Variants in ARHGAP8 observed in about 807,000 individuals in gnomAD.
ARHGAP8 encodes Rho GTPase activating protein 8.
ARHGAP8 carries 62 observed loss-of-function variants against 46.1 expected under a neutral mutation model. The observed-to-expected ratio is 1.34, with a 90% CI of 1.10 to 1.66. The LOEUF (loss-of-function observed/expected upper bound fraction) is 1.66, where lower values mean the gene tolerates loss of function less well. Ranked by LOEUF, ARHGAP8 falls within the 40% of genes most tolerant of loss-of-function variation. The pLI, the probability that ARHGAP8 is intolerant of heterozygous loss-of-function variation, is 0.00. For missense variants in ARHGAP8, 923 were observed against 568.4 expected (o/e 1.62, Z -6.34); for synonymous variants, 375 against 243.1 (o/e 1.54, Z -5.05).
Position 44,844,306 on chromosome 22 carries a change from C to G in ARHGAP8, c.597-963C>G, listed in dbSNP as rs564490689. ...ATTAATAGAGGGATAAAATGAAGTC[C>G]TAAAAAATAATTAGCCAGCAAAATA... On this transcript the variant is annotated intron_variant, in intron 7 of 11. Transcript: ENST00000356099. Among the ~76,000 whole-genome samples the G allele has an allele frequency of 1.4e-3, 212 of 151,928 alleles. 1 individual carries two copies. The highest frequency in any genetic ancestry group is 4.8e-3 in the African/African-American group (198 of 41,414).
intron 3 of ARHGAP8, among the ~76,000 whole-genome samples, chr22:44,804,611 G>A (rs1480017673): frequency 6.6e-6 from 1 of 152,216 alleles, no homozygotes; most frequent in African/African-American, 2.4e-5. Flanking sequence ...GACAGCTCAG[G>A]ACGTGACCCT....
chr22:44,761,259 G>C (rs773177680), intron 1 of ARHGAP8, among the ~76,000 whole-genome samples: 3 of 152,156 alleles, frequency 2.0e-5, no homozygotes, highest in African/African-American at 7.2e-5. Flanking sequence ...CTCTGCATCC[G>C]TGGCCTCTGT....
chr22:44,845,681 G>T (rs1330793322), intron 8 of ARHGAP8, among the ~76,000 whole-genome samples: 3 of 152,200 alleles, frequency 2.0e-5, no homozygotes, highest in Non-Finnish European at 2.9e-5. Flanking sequence ...GGCAGTGCTG[G>T]TCTGTAGGAA....
intron 7 of ARHGAP8, among the ~76,000 whole-genome samples, chr22:44,838,416 G>A (rs766597145): frequency 3.9e-5 from 6 of 152,124 alleles, no homozygotes; most frequent in Admixed American, 6.6e-5. Context: ...GACTACAGGC[G>A]TGAGCCACCG....
At chr22:44,768,158 G>A (rs1268630730) in intron 1 of ARHGAP8, among the ~76,000 whole-genome samples, 3 of 151,150 alleles carry the variant, frequency 2.0e-5, no homozygotes, top group African/African-American at 7.3e-5. Flanking sequence ...CACCACGCCC[G>A]GCTAATTTTT....
intron 1 of ARHGAP8, among the ~76,000 whole-genome samples, chr22:44,776,849 C>T (rs1282696060): frequency 2.0e-5 from 3 of 152,060 alleles, no homozygotes; most frequent in Admixed American, 6.5e-5. Flanking sequence ...TAACTCACCC[C>T]TCCTTCCACT....
intron 6 of ARHGAP8, among the ~76,000 whole-genome samples, chr22:44,824,612 T>G (rs554136175): frequency 8.9e-5 from 13 of 146,242 alleles, no homozygotes; most frequent in African/African-American, 2.9e-4. Flanking sequence ...AGAGGGTCTT[T>G]TCTTTTCTTT....
chr22:44,857,925 A>C (rs1473466735), intron 10 of ARHGAP8, among the ~76,000 whole-genome samples: 1 of 66,822 alleles, frequency 1.5e-5, no homozygotes, highest in East Asian at 3.1e-4. Flanking sequence ...ACTTGCCAGC[A>C]GGTATTCTCA....
In ARHGAP8 at chr22:44,848,018, C is replaced by T; in HGVS notation, c.716C>T (p.Thr239Ile). 6.2e-7 allele frequency: 1 copy of T among 1,607,980 alleles called. No homozygotes were observed. The highest frequency in any genetic ancestry group is 8.5e-7 in the Non-Finnish European group (1 of 1,179,948). ...GLFRRSASVQ[T>I]VREIQRLYNQ... ...TTCCGGAGATCCGCCAGCGTGCAGACCGTCCGCGAGATCCAGAGGCTCTAC... is the reference window on the plus strand; with the variant it reads ...TTCCGGAGATCCGCCAGCGTGCAGATCGTCCGCGAGATCCAGAGGCTCTAC... The change falls in exon 9 of 12, where the codon ACC becomes ATC. Residue 239 changes from threonine (T) to isoleucine (I), a missense_variant. Physicochemically the swap from Thr to Ile is moderately conservative, Grantham distance 89 (BLOSUM62 -1). Transcript: ENST00000356099.
chr22:44,769,796 G>C (rs1238507778), intron 1 of ARHGAP8, among the ~76,000 whole-genome samples: 1 of 152,198 alleles, frequency 6.6e-6, no homozygotes, highest in African/African-American at 2.4e-5. Context: ...TAAAGAAACA[G>C]TTTCATTGAT....
chr22:44,783,835 G>A (rs8135888), intron 1 of ARHGAP8, among the ~76,000 whole-genome samples: 11,628 of 152,082 alleles, frequency 0.076, 646 homozygotes, highest in African/African-American at 0.16. Flanking sequence ...TCCTGGGCTC[G>A]GGCCCATCCT....
intron 5 of ARHGAP8, among the ~76,000 whole-genome samples, chr22:44,821,177 A>T (rs946250348): frequency 2.0e-5 from 3 of 152,150 alleles, no homozygotes; most frequent in South Asian, 4.1e-4. Flanking sequence ...CATGCCTGTA[A>T]TCCCAGCACT....
At chr22:44,821,248 G>A (rs962692414) in intron 5 of ARHGAP8, among the ~76,000 whole-genome samples, 17 of 152,050 alleles carry the variant, frequency 1.1e-4, no homozygotes, top group South Asian at 4.2e-4. Context: ...TGGCTAACAT[G>A]TTGAAACCCC....
chr22:44,769,841 G>A lies in ARHGAP8; in HGVS notation c.-71-16616G>A, dbSNP rs141355633. 1.6e-3 allele frequency among the ~76,000 whole-genome samples: 238 copies of A among 152,330 alleles called. 1 individual carries two copies. Among genetic ancestry groups the A allele is most frequent in the African/African-American group, 5.4e-3 (223 of 41,570 alleles). On this transcript the variant is annotated intron_variant, in intron 1 of 11. Transcript: ENST00000356099. Reference sequence around the variant, plus strand: ...GCCCACACAGGAGAACTGGAGTTATGACTCAAATCCGTCTCCTTGAAAATT... The same window carrying A: ...GCCCACACAGGAGAACTGGAGTTATAACTCAAATCCGTCTCCTTGAAAATT...
chr22:44,803,467 C>G (rs1176696889), intron 3 of ARHGAP8, among the ~76,000 whole-genome samples: 1 of 150,526 alleles, frequency 6.6e-6, no homozygotes, highest in African/African-American at 2.5e-5. Flanking sequence ...TGGCCTCTCC[C>G]TGTACATTAC....
rs774882983 is a variant in ARHGAP8 at position 44,862,327 on chromosome 22, T to C, written c.1034T>C (p.Val345Ala). The change falls in exon 12 of 12, where the codon GTC (valine) becomes GCC (alanine). Residue 345 changes from valine (V) to alanine (A), a missense_variant. Val to Ala is a moderately conservative substitution (Grantham distance 64). Coordinates refer to ENST00000356099, the MANE Select transcript of ARHGAP8 (RefSeq NM_181335.3). ...NKMNSSNLACVFGLNLIWPSQ... is the reference protein window; with the variant it reads ...NKMNSSNLACAFGLNLIWPSQ... ...ATGAACAGCTCTAACCTGGCCTGTG[T>C]CTTCGGGCTGAATTTGATCTGGCCA... 25 of 1,613,848 alleles carry C rather than the reference T, an allele frequency of 1.5e-5. No homozygotes were observed. Among genetic ancestry groups the C allele is most frequent in the Non-Finnish European group, 2.1e-5 (25 of 1,179,844 alleles).
chr22:44,817,633 G>A lies in ARHGAP8; in HGVS notation c.386+2875G>A, dbSNP rs146983438. 7.3e-3 allele frequency among the ~76,000 whole-genome samples: 1,104 copies of A among 152,164 alleles called. 14 individuals are homozygous for A. The highest frequency in any genetic ancestry group is 0.025 in the African/African-American group (1,043 of 41,502). On this transcript the variant is annotated intron_variant, in intron 5 of 11. Transcript: ENST00000356099. ...AGCCTGCTCAACATGGCAAAACCCC[G>A]TCTCTACTAAAAACACAAAAAATTA...
chr22:44,804,004 A>C (rs989430032), intron 3 of ARHGAP8, among the ~76,000 whole-genome samples: 1 of 150,378 alleles, frequency 6.6e-6, no homozygotes, highest in Non-Finnish European at 1.5e-5. Context: ...AGCCTTCTCC[A>C]GCCCAAAGCA....
intron 7 of ARHGAP8, among the ~76,000 whole-genome samples, chr22:44,826,841 G>A (rs1930557212): frequency 6.6e-6 from 1 of 152,196 alleles, no homozygotes; most frequent in South Asian, 2.1e-4. Context: ...AGCCATGTGG[G>A]CAGGGGCATT....
Sources: gnomAD v4.1 joint callset for allele counts (sites outside exome capture counted in the v4.1 genomes callset) on GRCh38, gnomAD v4.1.1 for gene constraint, MANE v1.5 for transcripts, NCBI Gene and HGNC (gene_info 2026-07-23, HGNC 2026-07-21) for gene names.